MPRIP: variants seen among roughly 807,000 people sequenced by gnomAD.
MPRIP encodes myosin phosphatase Rho-interacting protein.
Under a neutral mutation model 234.9 loss-of-function variants are expected in MPRIP, and 59 were observed. That is an observed-to-expected ratio of 0.25 (90% confidence interval 0.20 to 0.31). The LOEUF (loss-of-function observed/expected upper bound fraction) is 0.31, where lower values mean the gene tolerates loss of function less well. Ranked by LOEUF, MPRIP falls within the 10% of genes least tolerant of loss-of-function variation. The pLI, the probability that MPRIP is intolerant of heterozygous loss-of-function variation, is 1.00. For missense variants in MPRIP, 2,436 were observed against 3,071.0 expected, an observed-to-expected ratio of 0.79 and a Z score of 4.89; for synonymous variants, 1,144 against 1,263.9, an observed-to-expected ratio of 0.91 and a Z score of 2.01.
At position 17,190,125 on chromosome 17, in the gene MPRIP, G is replaced by T. The variant is rs2046558386; in HGVS notation, c.*5231G>T. ...TGGGTTTTCCACGGACTTCAGGCTT[G>T]GAGGTGCCATATACAAGCACACTTC... On this transcript the variant is annotated 3_prime_UTR_variant, in exon 24 of 24. Coordinates refer to ENST00000651222, the MANE Select transcript of MPRIP (RefSeq NM_001364716.4). The T allele has an allele frequency of 6.6e-6, 1 of 152,232 alleles. No individual in the cohort carries two copies. The highest frequency in any genetic ancestry group is 1.5e-5 in the Non-Finnish European group (1 of 68,058). The allele number at this position is 152,232 out of a possible 1,614,324, so 9.4% of individuals were successfully genotyped here.
intron 3 of MPRIP, among the ~76,000 whole-genome samples, chr17:17,087,772 T>A (rs1183494358): frequency 2.0e-5 from 3 of 152,192 alleles, no homozygotes; most frequent in Admixed American, 1.3e-4. Flanking sequence ...CCTCCCCAGC[T>A]CTTTCTTGCT....
At chr17:17,119,636 C>T (rs1486285449) in intron 3 of MPRIP, among the ~76,000 whole-genome samples, 1 of 152,090 alleles carries the variant, frequency 6.6e-6, no homozygotes, top group African/African-American at 2.4e-5. Flanking sequence ...CAGTGAGCAC[C>T]CAGGAAGTGG....
intron 5 of MPRIP, among the ~76,000 whole-genome samples, chr17:17,134,698 A>T (rs1331226164): frequency 1.3e-5 from 2 of 152,174 alleles, no homozygotes; most frequent in African/African-American, 4.8e-5. Flanking sequence ...CCACCACCCC[A>T]TGGCCTTCCT....
chr17:17,120,028 TG>T (rs2090358880), intron 3 of MPRIP, among the ~76,000 whole-genome samples: 1 of 152,168 alleles, frequency 6.6e-6, no homozygotes, highest in African/African-American at 2.4e-5. Context: ...CTTGAGATTT[TG>T]GGAGTAATTC....
intron 1 of MPRIP, among the ~76,000 whole-genome samples, chr17:17,066,581 G>GCAAGAGAT (rs1490982399): frequency 3.3e-5 from 5 of 151,862 alleles, no homozygotes; most frequent in Non-Finnish European, 7.4e-5. Flanking sequence ...CCCTTTATTT[G>GCAAGAGAT]CAAGAGATAC....
intron 3 of MPRIP, among the ~76,000 whole-genome samples, chr17:17,113,948 A>G (rs538912835): frequency 1.5e-5 from 2 of 137,732 alleles, no homozygotes; most frequent in South Asian, 2.2e-4. Context: ...ACTGGAGTGC[A>G]GTGGTGCCAT....
chr17:17,090,698 C>T (rs535018350), intron 3 of MPRIP, among the ~76,000 whole-genome samples: 3 of 152,316 alleles, frequency 2.0e-5, no homozygotes, highest in African/African-American at 7.2e-5. Flanking sequence ...CTAGCGTCCT[C>T]ACTGTGTTTG....
chr17:17,083,071 G>A (rs774561575), intron 3 of MPRIP, among the ~76,000 whole-genome samples: 3 of 152,216 alleles, frequency 2.0e-5, no homozygotes, highest in African/African-American at 7.2e-5. Context: ...GGCCTCCATG[G>A]TGTGGAGCTC....
At chr17:17,159,056 T>TC in intron 14 of MPRIP, 54 bp downstream of exon 14, 5 of 1,538,866 alleles carry the variant, frequency 3.2e-6, no homozygotes, top group Non-Finnish European at 4.4e-6. Context: ...TTCCAGAGCA[T>TC]CAGCTGTGCC....
At chr17:17,086,862 A>G (rs1015582338) in intron 3 of MPRIP, among the ~76,000 whole-genome samples, 1 of 152,102 alleles carries the variant, frequency 6.6e-6, no homozygotes, top group Non-Finnish European at 1.5e-5. Context: ...TTCAAGATGG[A>G]TGTTCTCTGG....
At chr17:17,160,258 T>G (rs2045833979) in intron 14 of MPRIP, among the ~76,000 whole-genome samples, 1 of 152,158 alleles carries the variant, frequency 6.6e-6, no homozygotes, top group Admixed American at 6.5e-5. Context: ...CCCAGCTACT[T>G]GGAAGGCTGA....
rs747915517 is a variant in MPRIP at position 17,164,960 on chromosome 17, G to A, written c.3369G>A (p.Thr1123=). The change falls in exon 16 of 24, where the codon ACG becomes ACA. Residue 1123 remains threonine, a synonymous_variant. Coordinates refer to ENST00000651222, the MANE Select transcript of MPRIP (RefSeq NM_001364716.4). ...AGGAGCTGACAGAGCGCGTGGCCAC[G>A]TCCGACGAGGATGTGGCTGAGCTCC... is the stretch of plus-strand genomic sequence containing the variant. ...RFQELTERVA[T]SDEDVAELRE... is the part of the protein sequence containing the mutation. The A allele has an allele frequency of 3.1e-5, 41 of 1,303,326 alleles. 1 individual carries two copies. Among genetic ancestry groups the A allele is most frequent in the African/African-American group, 2.7e-4 (18 of 65,872 alleles). 80.7% of individuals were successfully genotyped at this position (1,303,326 alleles called of 1,614,324 possible). A position where few individuals can be genotyped will look rare whatever the true frequency, so the allele number is the denominator to read the frequency against.
chr17:17,146,170 T>G (rs2045461237), intron 10 of MPRIP, 78 bp downstream of exon 10: 12 of 1,324,682 alleles, frequency 9.1e-6, no homozygotes, highest in Non-Finnish European at 1.3e-5. Flanking sequence ...CCCCAGCCAG[T>G]CTGCAAGTGC....
Position 17,112,462 on chromosome 17 carries a change from T to G in MPRIP, c.268-14240T>G, listed in dbSNP as rs933339515. Among the ~76,000 whole-genome samples, 16 of 152,304 alleles carry G rather than the reference T, an allele frequency of 1.1e-4. No homozygotes were observed. In the East Asian group the frequency reaches 3.1e-3, roughly 29 times the overall value. On this transcript the variant is annotated intron_variant, in intron 3 of 23. Transcript: ENST00000651222. The stretch of plus-strand genomic sequence containing the variant: ...CTGTGACCCCAAGCCTGATGTCCAG[T>G]AGATGCCATGGAGTTAAAGGATTTG...
chr17:17,149,751 T>TAAATATA lies in MPRIP; in HGVS notation c.1630-393_1630-392insAAATATA, dbSNP rs1284046065. On this transcript the variant is annotated intron_variant, in intron 11 of 23. Coordinates refer to ENST00000651222, the MANE Select transcript of MPRIP (RefSeq NM_001364716.4). ...TATAAAATATATTTTATAATATATT[T>TAAATATA]TAAAATATATTTAAATATTTTTAAA... The TAAATATA allele has an allele frequency of 4.1e-5, 6 of 147,978 alleles. No individual in the cohort carries two copies. In the East Asian group the frequency reaches 1.2e-3, roughly 29 times the overall value. The allele number at this position is 147,978 out of a possible 1,614,324, so 9.2% of individuals were successfully genotyped here.
In MPRIP at chr17:17,177,260, A is replaced by G; in HGVS notation, c.6968A>G (p.Tyr2323Cys). ...CATTTCACTCCCAAGGACAAGAAGTACGCAAGTGACAAGTACAAAGACATC... is the reference window on the plus strand; with the variant it reads ...CATTTCACTCCCAAGGACAAGAAGTGCGCAAGTGACAAGTACAAAGACATC... ...ELQTALRDKKYASDKYKDIYT... is the reference protein window; with the variant it reads ...ELQTALRDKKCASDKYKDIYT... The change falls in exon 22 of 24, where the codon TAC (tyrosine) becomes TGC (cysteine). Residue 2323 changes from tyrosine (Y) to cysteine (C), a missense_variant. Transcript: ENST00000651222. The G allele has an allele frequency of 1.2e-6, 2 of 1,611,818 alleles. No individual in the cohort carries two copies. Among genetic ancestry groups the G allele is most frequent in the Non-Finnish European group, 1.7e-6 (2 of 1,178,896 alleles).
At chr17:17,159,116 T>A (rs925746972) in intron 14 of MPRIP, 114 bp downstream of exon 14, 3 of 1,092,574 alleles carry the variant, frequency 2.7e-6, no homozygotes, top group Admixed American at 2.6e-5. Flanking sequence ...GCGAGGGACT[T>A]GCAGACCCCT....
chr17:17,065,010 TG>T (rs2088978887), intron 1 of MPRIP, among the ~76,000 whole-genome samples: 2 of 152,206 alleles, frequency 1.3e-5, no homozygotes, highest in East Asian at 1.9e-4. Flanking sequence ...TGTCACCATT[TG>T]TTTTTTTTAG....
intron 1 of MPRIP, among the ~76,000 whole-genome samples, chr17:17,065,341 G>GT (rs756127070): frequency 7.2e-6 from 1 of 138,908 alleles, no homozygotes; most frequent in Non-Finnish European, 1.6e-5. Context: ...ATTTTGTCTT[G>GT]TTTTTTGTAT....
Sources: allele counts gnomAD v4.1 joint callset (sites outside exome capture counted in the v4.1 genomes callset), GRCh38; gene constraint gnomAD v4.1.1; transcripts MANE v1.5; gene names NCBI Gene and HGNC (gene_info 2026-07-23, HGNC 2026-07-21).